The following CELSR1 variants were observed in gnomAD, a reference collection of about 807,000 sequenced individuals.
CELSR1 encodes the protein cadherin EGF LAG seven-pass G-type receptor 1.
Under a neutral mutation model 249.1 loss-of-function variants are expected in CELSR1, and 110 were observed. The ratio of observed to expected loss-of-function variants is 0.44; its 90% CI spans 0.38 to 0.52. The LOEUF is 0.52. CELSR1 is among the 20% of genes least tolerant of loss of function. CELSR1 has a pLI of 0.00. For synonymous variants in CELSR1, 2,113 were observed against 1,900.0 expected, an observed-to-expected ratio of 1.11 and a Z score of -2.92; for missense variants, 4,109 against 4,296.4, an observed-to-expected ratio of 0.96 and a Z score of 1.22.
intron 19 of CELSR1, among the ~76,000 whole-genome samples, chr22:46,385,237 A>G (rs1050440821): frequency 2.0e-5 from 3 of 152,148 alleles, no homozygotes; most frequent in East Asian, 1.9e-4. Flanking sequence ...GGAATACAGG[A>G]GCATGCTACC....
In CELSR1 at chr22:46,362,920, C is replaced by A. The variant is rs2078721582; in HGVS notation, c.*303G>T. ...GGTCCCCTCTCAGTTCTGGCTTTGA[C>A]TGCAGTCTTAGGACTCAGCGGTGCT... On this transcript the variant is annotated 3_prime_UTR_variant, in exon 35 of 35. Transcript: ENST00000674500. 3 of 515,696 alleles carry A rather than the reference C, an allele frequency of 5.8e-6. No individual in the cohort carries two copies. Among genetic ancestry groups the A allele is most frequent in the Non-Finnish European group, 1.0e-5 (3 of 289,484 alleles). 31.9% of individuals were successfully genotyped at this position (515,696 alleles called of 1,614,324 possible). A position where few individuals can be genotyped will look rare whatever the true frequency, so the allele number is the denominator to read the frequency against.
In CELSR1 at chr22:46,381,799, A is replaced by T; in HGVS notation, c.7088+47T>A. ...GATTTTGACCTGTGGAAGCCTCAGG[A>T]GCCTCCAGAACGGGCCCTCCCCGTG... On this transcript the variant is annotated intron_variant, in intron 21 of 34. Coordinates refer to ENST00000674500, the MANE Select transcript of CELSR1 (RefSeq NM_001378328.1). The surrounding 1 kb of genome is among the most constrained non-coding windows in gnomAD (Gnocchi z 6.0). The T allele has an allele frequency of 6.7e-7, 1 of 1,498,784 alleles. No individual in the cohort carries two copies. Among genetic ancestry groups the T allele is most frequent in the Non-Finnish European group, 9.0e-7 (1 of 1,115,078 alleles). 92.8% of individuals were successfully genotyped at this position (1,498,784 alleles called of 1,614,324 possible).
At chr22:46,420,795 T>G (rs942897620) in intron 5 of CELSR1, among the ~76,000 whole-genome samples, 4 of 152,002 alleles carry the variant, frequency 2.6e-5, no homozygotes, top group Non-Finnish European at 4.4e-5. Flanking sequence ...CCAGCCTCCC[T>G]CCCTCCTGGC....
intron 2 of CELSR1, among the ~76,000 whole-genome samples, 182 bp downstream of exon 2, chr22:46,463,525 A>AC (rs1298182938): frequency 6.6e-6 from 1 of 151,228 alleles, no homozygotes; most frequent in Non-Finnish European, 1.5e-5. Context: ...AAAAAGTTAA[A>AC]AAAAAAAAAA....
At chr22:46,463,567 C>G (rs530816248) in intron 2 of CELSR1, 140 bp downstream of exon 2, 37 of 786,106 alleles carry the variant, frequency 4.7e-5, no homozygotes, top group Non-Finnish European at 5.9e-5. Flanking sequence ...TCTCAAGGTT[C>G]GTGGAGCCCA....
In CELSR1 at chr22:46,448,124, AG is replaced by A. The variant is rs919261323; in HGVS notation, c.4184-8714del. Among the ~76,000 whole-genome samples the A allele has an allele frequency of 6.6e-6, 1 of 152,202 alleles. No individual in the cohort carries two copies. Among genetic ancestry groups the A allele is most frequent in the African/African-American group, 2.4e-5 (1 of 41,452 alleles). On this transcript the variant is annotated intron_variant, in intron 2 of 34. Transcript: ENST00000674500. The surrounding 1 kb of genome is among the most constrained non-coding windows in gnomAD (Gnocchi z 5.7). Reference sequence around the variant, plus strand: ...GCTTCCAGAAAAGCCCTGGCTTCACAGGGCTTCAGCAAACGGCTTACCTGCT... The same window carrying A: ...GCTTCCAGAAAAGCCCTGGCTTCACAGGCTTCAGCAAACGGCTTACCTGCT...
intron 5 of CELSR1, among the ~76,000 whole-genome samples, chr22:46,414,473 G>A (rs1670694459): frequency 6.7e-6 from 1 of 148,306 alleles, no homozygotes; most frequent in Non-Finnish European, 1.5e-5. Flanking sequence ...AATAGGTGCT[G>A]AGTGAGGCTC....
rs565686604 is a variant in CELSR1 at position 46,401,465 on chromosome 22, C to T, written c.5227-1563G>A. 1.3e-5 allele frequency among the ~76,000 whole-genome samples: 2 copies of T among 152,162 alleles called. No homozygotes were observed. Among genetic ancestry groups the T allele is most frequent in the East Asian group, 1.9e-4 (1 of 5,192 alleles). ...GGAAAAGACAGAATCTGCAAAACAG[C>T]GTGGCGTGTGCTTCCCTGCAAGGCC... On this transcript the variant is annotated intron_variant, in intron 9 of 34. Coordinates refer to ENST00000674500, the MANE Select transcript of CELSR1 (RefSeq NM_001378328.1). This position sits in a 1 kb window ranked among gnomAD's most constrained non-coding sequence, Gnocchi z 4.7.
intron 19 of CELSR1, 130 bp downstream of exon 19, chr22:46,386,272 A>T: frequency 9.4e-7 from 1 of 1,061,590 alleles, no homozygotes; most frequent in Non-Finnish European, 1.3e-6. Context: ...GCCCGGCCTC[A>T]CAATCATTTT....
rs571750442 is a variant in CELSR1, at chr22:46,505,219, G to A, written c.3544+28408C>T. ...AGAGCTTGCAATGAGCCGAGATGGC[G>A]CCACTGCACTCCAGCCTGGGCGACA... On this transcript the variant is annotated intron_variant, in intron 1 of 34. Transcript: ENST00000674500. 9.0e-3 allele frequency among the ~76,000 whole-genome samples: 1,109 copies of A among 123,276 alleles called. 5 individuals carry two copies. Among genetic ancestry groups the A allele is most frequent in the Middle Eastern group, 0.062 (8 of 130 alleles). 80.9% of individuals were successfully genotyped at this position (123,276 alleles called of 152,430 possible).
Position 46,524,541 on chromosome 22 carries a change from C to CGCGTGTGT in CELSR1, c.3544+9085_3544+9086insACACACGC, listed in dbSNP as rs1194384146. Among the ~76,000 whole-genome samples the CGCGTGTGT allele has an allele frequency of 6.5e-3, 504 of 77,878 alleles. 14 individuals are homozygous for CGCGTGTGT. In the South Asian group the frequency reaches 0.1, roughly 16 times the overall value. The allele number at this position is 77,878 out of a possible 152,430, so 51.1% of individuals were successfully genotyped here. Reference sequence around the variant, plus strand: ...AAACGGCCCCCACCCCCGTTGTGTGCGTGTGTGTGTGTGTGTGTGTGTGTG... The same window carrying CGCGTGTGT: ...AAACGGCCCCCACCCCCGTTGTGTGCGCGTGTGTGTGTGTGTGTGTGTGTGTGTGTGTG... On this transcript the variant is annotated intron_variant, in intron 1 of 34. Coordinates refer to ENST00000674500, the MANE Select transcript of CELSR1 (RefSeq NM_001378328.1).
chr22:46,501,275 C>T (rs1167950544), intron 1 of CELSR1, among the ~76,000 whole-genome samples: 1 of 144,374 alleles, frequency 6.9e-6, no homozygotes, highest in Non-Finnish European at 1.5e-5. Flanking sequence ...GGTGTGATCT[C>T]GGCTCACTGT....
intron 1 of CELSR1, among the ~76,000 whole-genome samples, chr22:46,533,283 A>G (rs1290117855): frequency 6.6e-6 from 1 of 152,188 alleles, no homozygotes; most frequent in Admixed American, 6.5e-5. Context: ...AGCATCTCCA[A>G]GCAAATCCTG....
At position 46,448,982 on chromosome 22, in the gene CELSR1, G is replaced by A. The variant is rs1569170759; in HGVS notation, c.4184-9571C>T. ...TGTCAGAAATGATAAAACACCACACGAATTTGCCCATCTGTTATTCCATTC... is the reference window on the plus strand; with the variant it reads ...TGTCAGAAATGATAAAACACCACACAAATTTGCCCATCTGTTATTCCATTC... On this transcript the variant is annotated intron_variant, in intron 2 of 34. Coordinates refer to ENST00000674500, the MANE Select transcript of CELSR1 (RefSeq NM_001378328.1). This position sits in a 1 kb window ranked among gnomAD's most constrained non-coding sequence, Gnocchi z 5.7. 1.3e-5 allele frequency among the ~76,000 whole-genome samples: 2 copies of A among 152,194 alleles called. No individual in the cohort carries two copies. Among genetic ancestry groups the A allele is most frequent in the Non-Finnish European group, 2.9e-5 (2 of 68,000 alleles).
In CELSR1 at chr22:46,397,805, T is replaced by C. The variant is rs1376468034; in HGVS notation, c.5570A>G (p.Asn1857Ser). The change falls in exon 12 of 35, where the codon AAC becomes AGC. Residue 1857 changes from asparagine to serine, a missense_variant. Transcript: ENST00000674500. ...CCTGACCTTGAGTGCGTTGTTCATG[T>C]TCAGGGTGGCGACGTTGGTGGGCGT... is the stretch of plus-strand genomic sequence containing the variant. Reference protein sequence around the residue: ...GGTPTNVATLNMNNALKVRVK... With the variant: ...GGTPTNVATLSMNNALKVRVK... The C allele has an allele frequency of 6.3e-7, 1 of 1,598,508 alleles. No homozygotes were observed.
Position 46,407,126 on chromosome 22 carries a change from C to T in CELSR1, c.5226+1870G>A, listed in dbSNP as rs2147314326. Among the ~76,000 whole-genome samples the T allele has an allele frequency of 6.6e-6, 1 of 152,220 alleles. No homozygotes were observed. The highest frequency in any genetic ancestry group is 2.4e-5 in the African/African-American group (1 of 41,526). The stretch of plus-strand genomic sequence containing the variant: ...CGCTGAAGGGAGGTCAGGAGGGAGC[C>T]CCAGGCTCACTCTGGTTGGAGATAA... On this transcript the variant is annotated intron_variant, in intron 9 of 34. Transcript: ENST00000674500. The surrounding 1 kb of genome is among the most constrained non-coding windows in gnomAD (Gnocchi z 4.8).
intron 1 of CELSR1, among the ~76,000 whole-genome samples, chr22:46,502,124 A>G (rs6008876): frequency 0.021 from 3,256 of 151,604 alleles, 108 homozygotes; most frequent in African/African-American, 0.075. Context: ...AGCTGGGCAC[A>G]GTGGCGCACA....
chr22:46,422,503 G>C (rs180872417), intron 5 of CELSR1, among the ~76,000 whole-genome samples: 45 of 120,230 alleles, frequency 3.7e-4, no homozygotes, highest in Middle Eastern at 3.8e-3. Flanking sequence ...GGAGGCCAAG[G>C]GGGGGCGGAT....
At position 46,535,332 on chromosome 22, in the gene CELSR1, C is replaced by T; in HGVS notation, c.1839G>A (p.Gly613=). The change falls in exon 1 of 35, where the codon GGG becomes GGA. Residue 613 remains glycine, a synonymous_variant. Coordinates refer to ENST00000674500, the MANE Select transcript of CELSR1 (RefSeq NM_001378328.1). ...GATTCTTAGGCCCAGCGCTGCCGCC[C>T]CCCAGAAAGGTGGAGGCCGTGTCCA... ...RLVDTASTFL[G]GGSAGPKNPA... is the part of the protein sequence containing the mutation. 1.2e-6 allele frequency: 2 copies of T among 1,612,312 alleles called. No homozygotes were observed. Among genetic ancestry groups the T allele is most frequent in the Non-Finnish European group, 1.7e-6 (2 of 1,179,966 alleles).
Sources: allele counts gnomAD v4.1 joint callset (sites outside exome capture counted in the v4.1 genomes callset), GRCh38; gene constraint gnomAD v4.1.1; non-coding constraint Gnocchi (gnomAD v3.1); transcripts MANE v1.5; gene names NCBI Gene and HGNC (gene_info 2026-07-23, HGNC 2026-07-21).